Variants in MAD1L1 observed in about 807,000 individuals in gnomAD.
MAD1L1 encodes mitotic arrest deficient 1 like 1, also known as mitotic spindle assembly checkpoint protein MAD1.
Under a neutral mutation model 96.9 loss-of-function variants are expected in MAD1L1, and 95 were observed. That is an observed-to-expected ratio of 0.98 (90% CI 0.83 to 1.16). The LOEUF (loss-of-function observed/expected upper bound fraction) is 1.16. MAD1L1 is among the 50% of genes most tolerant of loss of function. MAD1L1 has a pLI of 0.00. For missense variants in MAD1L1, 1,007 were observed against 954.4 expected (o/e 1.06, Z -0.73); for synonymous variants, 473 against 396.6 (o/e 1.19, Z -2.29).
At chr7:2,004,504 G>A (rs867344925) in intron 13 of MAD1L1, among the ~76,000 whole-genome samples, 2 of 152,210 alleles carry the variant, frequency 1.3e-5, no homozygotes, top group African/African-American at 4.8e-5. Flanking sequence ...GAAGAGGCAG[G>A]GTCGTCCGGA....
intron 11 of MAD1L1, among the ~76,000 whole-genome samples, chr7:2,115,180 G>A (rs1417107637): frequency 6.6e-6 from 1 of 152,356 alleles, no homozygotes; most frequent in East Asian, 1.9e-4. Context: ...ACCACGGGGC[G>A]CTGGCTCAGG....
At chr7:1,868,553 G>A (rs552452537) in intron 18 of MAD1L1, among the ~76,000 whole-genome samples, 1 of 150,126 alleles carries the variant, frequency 6.7e-6, no homozygotes, top group Non-Finnish European at 1.5e-5. Context: ...GCTCCTGGAG[G>A]TCCCTCCAGG....
At chr7:1,856,198 G>A (rs894708098) in intron 18 of MAD1L1, among the ~76,000 whole-genome samples, 5 of 152,240 alleles carry the variant, frequency 3.3e-5, no homozygotes, top group Admixed American at 2.0e-4. Flanking sequence ...CTCTCCACAC[G>A]TGCCTCTGAA....
intron 12 of MAD1L1, among the ~76,000 whole-genome samples, chr7:2,061,261 C>T (rs925515438): frequency 2.0e-5 from 3 of 152,168 alleles, no homozygotes; most frequent in African/African-American, 4.8e-5. Flanking sequence ...TGCTTGAACC[C>T]GGGAGGCGGA....
At chr7:1,859,782 C>T (rs1332830620) in intron 18 of MAD1L1, among the ~76,000 whole-genome samples, 2 of 151,330 alleles carry the variant, frequency 1.3e-5, no homozygotes, top group Non-Finnish European at 2.9e-5. Context: ...TCCTGCAGGG[C>T]GGCCTCTGTC....
At chr7:1,962,362 T>C (rs764358235) in intron 15 of MAD1L1, among the ~76,000 whole-genome samples, 2 of 152,242 alleles carry the variant, frequency 1.3e-5, no homozygotes, top group Non-Finnish European at 2.9e-5. Context: ...AATCTCTTTT[T>C]CTTTATAAAT....
At chr7:2,232,337 C>G (rs1052598898) in intron 1 of MAD1L1, among the ~76,000 whole-genome samples, 2 of 152,272 alleles carry the variant, frequency 1.3e-5, no homozygotes, top group Non-Finnish European at 2.9e-5. Flanking sequence ...CCCAATTCCT[C>G]CATTGCCCAA....
intron 18 of MAD1L1, among the ~76,000 whole-genome samples, chr7:1,897,628 G>T (rs942240157): frequency 6.6e-6 from 1 of 152,228 alleles, no homozygotes; most frequent in Non-Finnish European, 1.5e-5. Context: ...CTCGCCCGAG[G>T]ACTCTTCATG....
rs1182972755 is a variant in MAD1L1, at chr7:1,850,476, A to G, written c.1999-34248T>C. ...GGCCCAGGCTTCCTCTAGTGGGTCCAGGTGGGGGTACCCCAAGTTCCTGCA... is the reference window on the plus strand; with the variant it reads ...GGCCCAGGCTTCCTCTAGTGGGTCCGGGTGGGGGTACCCCAAGTTCCTGCA... On this transcript the variant is annotated intron_variant, in intron 18 of 18. Coordinates refer to ENST00000265854, the MANE Select transcript of MAD1L1 (RefSeq NM_001013836.2). 3.9e-5 allele frequency among the ~76,000 whole-genome samples: 6 copies of G among 152,330 alleles called. No homozygotes were observed. The East Asian group carries it at 9.7e-4, about 25-fold the overall frequency.
At chr7:1,935,563 C>T (rs1778549989) in intron 17 of MAD1L1, among the ~76,000 whole-genome samples, 1 of 152,204 alleles carries the variant, frequency 6.6e-6, no homozygotes, top group African/African-American at 2.4e-5. Flanking sequence ...CCACCTAAGA[C>T]CCTCCCCACA....
At chr7:1,842,552 G>T (rs775745976) in intron 18 of MAD1L1, among the ~76,000 whole-genome samples, 2 of 152,272 alleles carry the variant, frequency 1.3e-5, no homozygotes, top group Non-Finnish European at 2.9e-5. Flanking sequence ...GGCCCCCCAG[G>T]CCTGTCCCAG....
chr7:2,064,706 G>C (rs1471682274), intron 12 of MAD1L1, among the ~76,000 whole-genome samples: 1 of 151,868 alleles, frequency 6.6e-6, no homozygotes, highest in Non-Finnish European at 1.5e-5. Context: ...CTCCCAGGAG[G>C]ACAGCGGCTT....
chr7:1,914,909 GC>G (rs1223191595), intron 17 of MAD1L1, among the ~76,000 whole-genome samples: 2 of 152,230 alleles, frequency 1.3e-5, no homozygotes, highest in Non-Finnish European at 2.9e-5. Flanking sequence ...TGCCGCGCCG[GC>G]CCTGCTGTGT....
chr7:1,900,467 G>A (rs1235096811), intron 17 of MAD1L1, among the ~76,000 whole-genome samples: 9 of 152,302 alleles, frequency 5.9e-5, no homozygotes, highest in African/African-American at 1.7e-4. Context: ...CGGCCCTGGG[G>A]GACACTGTTA....
intron 5 of MAD1L1, chr7:2,220,933 G>GGGCCGAGCCCACCTGCCCACA (rs1447418321): frequency 6.2e-7 from 1 of 1,612,210 alleles, no homozygotes; most frequent in African/African-American, 1.3e-5. Context: ...CCTGCCCACA[G>GGGCCGAGCCCACCTGCCCACA]GGTCACCCGT....
chr7:1,898,155 G>GA, intron 18 of MAD1L1, 45 bp downstream of exon 18: 15 of 1,549,382 alleles, frequency 9.7e-6, no homozygotes, highest in Non-Finnish European at 1.3e-5. Flanking sequence ...CACAGGAGGA[G>GA]ACAGAGAGCG....
chr7:2,230,267 T>C, intron 2 of MAD1L1, 124 bp from the exon 3 acceptor site: 1 of 659,062 alleles, frequency 1.5e-6, no homozygotes, highest in Non-Finnish European at 2.6e-6. Context: ...AATACACCCA[T>C]GCCTGTAACC....
At chr7:2,173,453 T>C (rs1454849317) in intron 10 of MAD1L1, among the ~76,000 whole-genome samples, 1 of 152,226 alleles carries the variant, frequency 6.6e-6, no homozygotes, top group East Asian at 1.9e-4. Flanking sequence ...CTTCCTACTT[T>C]GTGCTTCCCC....
intron 18 of MAD1L1, among the ~76,000 whole-genome samples, chr7:1,826,089 C>G (rs1175921816): frequency 6.6e-6 from 1 of 152,204 alleles, no homozygotes. Context: ...GTGAAAATGG[C>G]TGGTGCTACC....
Sources: allele counts gnomAD v4.1 joint callset (sites outside exome capture counted in the v4.1 genomes callset), GRCh38; gene constraint gnomAD v4.1.1; transcripts MANE v1.5; gene names NCBI Gene and HGNC (gene_info 2026-07-23, HGNC 2026-07-21).